ZNF541: variants seen among roughly 807,000 people sequenced by gnomAD.
ZNF541 encodes the protein zinc finger protein 541.
A neutral mutation model predicts 123.5 loss-of-function variants in ZNF541; 23 were observed. The ratio of observed to expected loss-of-function variants is 0.19; its 90% CI spans 0.13 to 0.26. The LOEUF is 0.26. Ranked by LOEUF, ZNF541 falls within the 10% of genes least tolerant of loss-of-function variation. The probability of loss-of-function intolerance (pLI) is 1.00; values close to 1 mark genes in which losing one functional copy is unlikely to be tolerated. For synonymous variants in ZNF541, 751 were observed against 754.5 expected (o/e 1.00, Z 0.08); for missense variants, 1,612 against 1,789.9 (o/e 0.90, Z 1.79).
chr19:47,566,308 GAAGT>G (rs1971260835), intron 2 of ZNF541, among the ~76,000 whole-genome samples: 1 of 152,172 alleles, frequency 6.6e-6, no homozygotes, highest in African/African-American at 2.4e-5. Context: ...CTAGACTGTA[GAAGT>G]AAGTCCACAA....
intron 2 of ZNF541, among the ~76,000 whole-genome samples, chr19:47,560,576 C>CAAAA (rs77981071): frequency 1.9e-5 from 1 of 53,786 alleles, no homozygotes. Flanking sequence ...AACTCTGTCC[C>CAAAA]AAAAAAAAAA....
Position 47,539,704 on chromosome 19 carries a change from C to T in ZNF541, c.2796+1G>A. On this transcript the variant is annotated splice_donor_variant, in intron 8 of 16. Coordinates refer to ENST00000391901, the MANE Select transcript of ZNF541 (RefSeq NM_001277075.3). LOFTEE classifies it high-confidence loss of function. ...AAGGAGGCAGGCCGACAAGCACCCA[C>T]CATGGCCATGCTCCCTATGTGTCGG... is the stretch of plus-strand genomic sequence containing the variant. The T allele has an allele frequency of 7.1e-7, 1 of 1,405,406 alleles. No homozygotes were observed. Among genetic ancestry groups the T allele is most frequent in the South Asian group, 1.6e-5 (1 of 60,674 alleles). The allele number at this position is 1,405,406 out of a possible 1,614,324, so 87.1% of individuals were successfully genotyped here.
At chr19:47,558,798 G>A (rs1970940169) in intron 2 of ZNF541, among the ~76,000 whole-genome samples, 2 of 150,206 alleles carry the variant, frequency 1.3e-5, no homozygotes, top group South Asian at 4.2e-4. Context: ...AGGCTAGAGT[G>A]CAGTGGCGCC....
chr19:47,539,840 C>G lies in ZNF541; in HGVS notation c.2661G>C (p.Val887=). ...GTEFCKPLRQ[V]LRPEGDRHSP... Reference sequence around the variant, plus strand: ...TATGCCTGTCCCCTTCTGGCCTCAGCACCTGTCTTAGCGGCTTGCAAAACT... The same window carrying G: ...TATGCCTGTCCCCTTCTGGCCTCAGGACCTGTCTTAGCGGCTTGCAAAACT... Residue 887 remains valine, a synonymous_variant, in exon 8 of 17, where the codon GTG becomes GTC. Coordinates refer to ENST00000391901, the MANE Select transcript of ZNF541 (RefSeq NM_001277075.3). The G allele has an allele frequency of 1.3e-6, 2 of 1,513,874 alleles. No individual in the cohort carries two copies. Among genetic ancestry groups the G allele is most frequent in the Non-Finnish European group, 1.8e-6 (2 of 1,136,666 alleles). 93.8% of individuals were successfully genotyped at this position (1,513,874 alleles called of 1,614,324 possible).
At chr19:47,566,967 C>A (rs543862793) in intron 2 of ZNF541, among the ~76,000 whole-genome samples, 1 of 151,956 alleles carries the variant, frequency 6.6e-6, no homozygotes, top group South Asian at 2.1e-4. Flanking sequence ...AGGAGAATGG[C>A]ATGAACCCGG....
chr19:47,522,498 TAAAAAC>T (rs1969083505), intron 14 of ZNF541, among the ~76,000 whole-genome samples: 1 of 152,126 alleles, frequency 6.6e-6, no homozygotes, highest in African/African-American at 2.4e-5. Context: ...TAACTTCTGT[TAAAAAC>T]AAAAGGGAAG....
intron 14 of ZNF541, among the ~76,000 whole-genome samples, chr19:47,526,156 G>C (rs1969284617): frequency 6.6e-6 from 1 of 152,056 alleles, no homozygotes; most frequent in South Asian, 2.1e-4. Context: ...GACGTGTCCT[G>C]AATCAATAAA....
At chr19:47,552,768 A>AG (rs1210338040) in intron 3 of ZNF541, among the ~76,000 whole-genome samples, 65 of 149,232 alleles carry the variant, frequency 4.4e-4, no homozygotes, top group African/African-American at 1.6e-3. Flanking sequence ...AAAAAAAAAA[A>AG]AAAGCCTATT....
At chr19:47,539,946 A>G in intron 7 of ZNF541, 68 bp from the exon 8 acceptor site, 1 of 1,501,278 alleles carries the variant, frequency 6.7e-7, no homozygotes, top group Non-Finnish European at 8.8e-7. Flanking sequence ...GAGCTGCTTC[A>G]GCAAAAAAAG....
intron 14 of ZNF541, among the ~76,000 whole-genome samples, chr19:47,524,435 C>T (rs1172726870): frequency 3.9e-5 from 6 of 152,238 alleles, no homozygotes; most frequent in South Asian, 4.1e-4. Flanking sequence ...AGGCCAGGCG[C>T]GGTGGCTCAC....
Position 47,522,832 on chromosome 19 carries a change from C to T in ZNF541, c.3571-838G>A, listed in dbSNP as rs368489481. Among the ~76,000 whole-genome samples the T allele has an allele frequency of 9.2e-5, 14 of 151,682 alleles. 1 individual carries two copies. The highest frequency in any genetic ancestry group is 2.4e-4 in the African/African-American group (10 of 41,326). On this transcript the variant is annotated intron_variant, in intron 14 of 16. Transcript: ENST00000391901. ...CACGATCTTGGCTCACTGCAACCTCCGCCTCCCGGGTCCAAGTGATTCTCC... is the reference window on the plus strand; with the variant it reads ...CACGATCTTGGCTCACTGCAACCTCTGCCTCCCGGGTCCAAGTGATTCTCC...
At position 47,551,816 on chromosome 19, in the gene ZNF541, G is replaced by A. The variant is rs190010472; in HGVS notation, c.308-2331C>T. ...CCCAAAGTGCTGGGATTACAGGCGTGAACCATACATAGCACCTGGCTTAAA... is the reference window on the plus strand; with the variant it reads ...CCCAAAGTGCTGGGATTACAGGCGTAAACCATACATAGCACCTGGCTTAAA... On this transcript the variant is annotated intron_variant, in intron 3 of 16. Transcript: ENST00000391901. 3.3e-5 allele frequency among the ~76,000 whole-genome samples: 5 copies of A among 150,588 alleles called. No individual in the cohort carries two copies. In the East Asian group the frequency reaches 8.0e-4, roughly 24 times the overall value.
Position 47,561,181 on chromosome 19 carries a change from G to A in ZNF541, c.-98-5227C>T, listed in dbSNP as rs56205231. Among the ~76,000 whole-genome samples, 480 of 152,266 alleles carry A rather than the reference G, an allele frequency of 3.2e-3. 1 individual carries two copies. Among genetic ancestry groups the A allele is most frequent in the African/African-American group, 0.011 (451 of 41,554 alleles). On this transcript the variant is annotated intron_variant, in intron 2 of 16. Coordinates refer to ENST00000391901, the MANE Select transcript of ZNF541 (RefSeq NM_001277075.3). The stretch of plus-strand genomic sequence containing the variant: ...AACCCACAGAACTATACAACACAGA[G>A]ACTGAGCTCTGGCTGGGTGTGGTGG...
rs1969585415 is a variant in ZNF541, at chr19:47,531,809, C to T, written c.3302-64G>A. 7 of 1,407,424 alleles carry T rather than the reference C, an allele frequency of 5.0e-6. No homozygotes were observed. The South Asian group carries it at 9.4e-5, about 19-fold the overall frequency. 87.2% of individuals were successfully genotyped at this position (1,407,424 alleles called of 1,614,324 possible). A position where few individuals can be genotyped will look rare whatever the true frequency, so the allele number is the denominator to read the frequency against. On this transcript the variant is annotated intron_variant, in intron 11 of 16. Coordinates refer to ENST00000391901, the MANE Select transcript of ZNF541 (RefSeq NM_001277075.3). Reference sequence around the variant, plus strand: ...GGAGTCATCAGGTGCTAGGGAGGAACCTTTCCCGAAAGACAGCAGAGAGGG... The same window carrying T: ...GGAGTCATCAGGTGCTAGGGAGGAATCTTTCCCGAAAGACAGCAGAGAGGG...
chr19:47,523,649 G>C (rs996140037), intron 14 of ZNF541, among the ~76,000 whole-genome samples: 7 of 152,144 alleles, frequency 4.6e-5, no homozygotes, highest in African/African-American at 1.7e-4. Context: ...AAGACACCAG[G>C]CGTCATTCAA....
chr19:47,538,543 G>A, intron 8 of ZNF541, 104 bp from the exon 9 acceptor site: 1 of 1,250,110 alleles, frequency 8.0e-7, no homozygotes, highest in Non-Finnish European at 1.1e-6. Context: ...CCAGAGACAG[G>A]AAACTAGGAA....
intron 10 of ZNF541, 135 bp downstream of exon 10, chr19:47,532,774 A>C: frequency 1.6e-6 from 1 of 625,332 alleles, no homozygotes. Flanking sequence ...ATTTGGAAAA[A>C]TCTACCGCTT....
At chr19:47,560,630 T>C (rs1971023722) in intron 2 of ZNF541, among the ~76,000 whole-genome samples, 1 of 144,354 alleles carries the variant, frequency 6.9e-6, no homozygotes, top group Non-Finnish European at 1.5e-5. Context: ...AAGCTACACA[T>C]AGTTTTTTTC....
At chr19:47,567,319 G>A (rs1257837830) in intron 2 of ZNF541, among the ~76,000 whole-genome samples, 1 of 152,096 alleles carries the variant, frequency 6.6e-6, no homozygotes, top group Non-Finnish European at 1.5e-5. Context: ...GTGTAGTGGT[G>A]CAATCTCAGT....
Sources: gnomAD v4.1 joint callset for allele counts (sites outside exome capture counted in the v4.1 genomes callset) on GRCh38, gnomAD v4.1.1 for gene constraint, MANE v1.5 for transcripts, NCBI Gene and HGNC (gene_info 2026-07-23, HGNC 2026-07-21) for gene names.